LUC7L3: variants seen among roughly 807,000 people sequenced by gnomAD.
The protein encoded by LUC7L3 is luc7-like protein 3.
A neutral mutation model predicts 66.8 loss-of-function variants in LUC7L3; 6 were observed. The observed-to-expected ratio is 0.09, with a 90% CI of 0.05 to 0.18. The LOEUF is 0.18. Ranked by LOEUF, LUC7L3 falls within the 10% of genes least tolerant of loss-of-function variation. The probability of loss-of-function intolerance (pLI) is 1.00; values close to 1 mark genes in which losing one functional copy is unlikely to be tolerated. For synonymous variants in LUC7L3, 160 were observed against 174.7 expected (o/e 0.92, Z 0.66); for missense variants, 341 against 531.1 (o/e 0.64, Z 3.52).
Position 50,752,424 on chromosome 17 carries a change from G to A in LUC7L3, c.*1763G>A, listed in dbSNP as rs552062226. ...ATATGCCACTGAAAACTTAGGTCCT[G>A]TATCATACTTTTTTCTTTAAGACTT... On this transcript the variant is annotated 3_prime_UTR_variant, in exon 10 of 10. Transcript: ENST00000505658. 3.4e-5 allele frequency: 7 copies of A among 203,278 alleles called. No homozygotes were observed. The South Asian group carries it at 5.7e-4, about 17-fold the overall frequency. The allele number at this position is 203,278 out of a possible 1,614,324, so 12.6% of individuals were successfully genotyped here. A position where few individuals can be genotyped will look rare whatever the true frequency, so the allele number is the denominator to read the frequency against.
chr17:50,724,708 A>G (rs2146690362), intron 1 of LUC7L3, among the ~76,000 whole-genome samples: 1 of 148,426 alleles, frequency 6.7e-6, no homozygotes, highest in African/African-American at 2.5e-5. Flanking sequence ...AAGTTTGTAA[A>G]TTTGACTTTT....
intron 9 of LUC7L3, chr17:50,749,285 T>G: frequency 1.6e-6 from 2 of 1,289,398 alleles, no homozygotes; most frequent in Non-Finnish European, 2.0e-6. Flanking sequence ...CTCTTCCTCA[T>G]TGAAGCTACC....
In LUC7L3 at chr17:50,744,553, A is replaced by G. The variant is rs1970549010; in HGVS notation, c.532-99A>G. On this transcript the variant is annotated intron_variant, in intron 6 of 9. Coordinates refer to ENST00000505658, the MANE Select transcript of LUC7L3 (RefSeq NM_016424.5). ...TGATTTGGGGAAATGGAAAAGAGCA[A>G]TTCACACACATTAGAAATCTTTTCT... The G allele has an allele frequency of 1.3e-5, 15 of 1,118,464 alleles. No homozygotes were observed. In the South Asian group the frequency reaches 2.3e-4, roughly 17 times the overall value. The allele number at this position is 1,118,464 out of a possible 1,614,324, so 69.3% of individuals were successfully genotyped here.
chr17:50,735,636 G>T (rs1335071904), intron 1 of LUC7L3, among the ~76,000 whole-genome samples: 1 of 152,026 alleles, frequency 6.6e-6, no homozygotes, highest in African/African-American at 2.4e-5. Flanking sequence ...CTCCTGGGTA[G>T]CTGGGACTGT....
intron 1 of LUC7L3, among the ~76,000 whole-genome samples, chr17:50,726,447 G>C (rs1969190808): frequency 6.6e-6 from 1 of 152,246 alleles, no homozygotes; most frequent in South Asian, 2.1e-4. Flanking sequence ...GCTGGGATTA[G>C]AGGTGTAAGC....
At chr17:50,734,121 T>C (rs1597910162) in intron 1 of LUC7L3, among the ~76,000 whole-genome samples, 1 of 152,198 alleles carries the variant, frequency 6.6e-6, no homozygotes, top group Admixed American at 6.5e-5. Context: ...TAAAATAAAC[T>C]ATTTGTGACA....
chr17:50,747,582 T>C (rs1351035650), intron 9 of LUC7L3, among the ~76,000 whole-genome samples: 1 of 152,172 alleles, frequency 6.6e-6, no homozygotes, highest in Non-Finnish European at 1.5e-5. Context: ...CAGCATAATA[T>C]ATGTGCTACT....
intron 4 of LUC7L3, among the ~76,000 whole-genome samples, 168 bp from the exon 5 acceptor site, chr17:50,741,489 T>G (rs993767422): frequency 2.6e-5 from 4 of 152,266 alleles, no homozygotes; most frequent in Non-Finnish European, 5.9e-5. Flanking sequence ...TAAATAGTAG[T>G]AACTGACAAT....
chr17:50,744,196 A>G (rs550796083), intron 6 of LUC7L3, among the ~76,000 whole-genome samples: 3 of 152,264 alleles, frequency 2.0e-5, no homozygotes, highest in African/African-American at 7.2e-5. Context: ...TTAATTGGAG[A>G]ATAGAATATA....
rs771697120 is a variant in LUC7L3, at chr17:50,743,774, A to G, written c.495A>G (p.Leu165=). 5 of 1,613,946 alleles carry G rather than the reference A, an allele frequency of 3.1e-6. No homozygotes were observed. Among genetic ancestry groups the G allele is most frequent in the Non-Finnish European group, 3.4e-6 (4 of 1,179,814 alleles). ...GGATGATGAAATTAGTTGAGCAATT[A>G]AAAGAAGAGAGAGAACTGCTAAGGT... ...AQGMMKLVEQ[L]KEERELLRST... Residue 165 remains leucine (L), a synonymous_variant, in exon 6 of 10, where the codon TTA becomes TTG. Transcript: ENST00000505658.
chr17:50,730,298 C>G (rs1257421620), intron 1 of LUC7L3, among the ~76,000 whole-genome samples: 1 of 151,726 alleles, frequency 6.6e-6, no homozygotes, highest in Non-Finnish European at 1.5e-5. Context: ...AGCAGTTTAA[C>G]GAAAATAGTG....
At chr17:50,723,605 T>G (rs552380579) in intron 1 of LUC7L3, 60 of 160,708 alleles carry the variant, frequency 3.7e-4, no homozygotes, top group Non-Finnish European at 6.1e-4. Context: ...TAACTTACTA[T>G]GTTACTATGG....
intron 2 of LUC7L3, among the ~76,000 whole-genome samples, chr17:50,740,098 T>C (rs577059382): frequency 2.0e-5 from 3 of 152,314 alleles, no homozygotes; most frequent in African/African-American, 7.2e-5. Context: ...GTCCATTATA[T>C]TGACTTTGAA....
At chr17:50,731,208 A>G (rs1043669901) in intron 1 of LUC7L3, among the ~76,000 whole-genome samples, 13 of 152,174 alleles carry the variant, frequency 8.5e-5, no homozygotes, top group African/African-American at 3.1e-4. Context: ...TCTCTCTGTC[A>G]TCCAGGCTGG....
chr17:50,727,171 A>ATT (rs1387176472), intron 1 of LUC7L3, among the ~76,000 whole-genome samples: 19 of 152,246 alleles, frequency 1.2e-4, no homozygotes, highest in Non-Finnish European at 1.9e-4. Context: ...TAAGGCTTCC[A>ATT]GTCAGTGGTA....
chr17:50,737,749 T>A (rs1970068226), intron 2 of LUC7L3, among the ~76,000 whole-genome samples: 1 of 152,106 alleles, frequency 6.6e-6, no homozygotes, highest in South Asian at 2.1e-4. Context: ...GGTGGTCCTG[T>A]GCATCTGTTG....
At chr17:50,729,899 TATATATATA>T (rs1969455504) in intron 1 of LUC7L3, among the ~76,000 whole-genome samples, 169 of 14,252 alleles carry the variant, frequency 0.012, 5 homozygotes, top group African/African-American at 0.017. Context: ...AAATACATTA[TATATATATA>T]TATATATATA....
intron 3 of LUC7L3, among the ~76,000 whole-genome samples, chr17:50,740,791 C>G (rs1471537856): frequency 1.3e-5 from 2 of 152,146 alleles, no homozygotes; most frequent in Non-Finnish European, 2.9e-5. Context: ...AACTGCTGAC[C>G]TCAAGTGATC....
At position 50,719,651 on chromosome 17, in the gene LUC7L3, C is replaced by G. The variant is rs549651658; in HGVS notation, c.-82C>G. ...GAGGGATTTCGGCCTGAGAGCGGGC[C>G]GAGGAGATTGGCGACGGTGTCGCCC... On this transcript the variant is annotated 5_prime_UTR_variant, in exon 1 of 10. Transcript: ENST00000505658. 1,243 of 1,193,940 alleles carry G rather than the reference C, an allele frequency of 1.0e-3. 5 individuals are homozygous for G. Among genetic ancestry groups the G allele is most frequent in the South Asian group, 5.0e-3 (383 of 76,522 alleles). The allele number at this position is 1,193,940 out of a possible 1,614,324, so 74.0% of individuals were successfully genotyped here.
Sources: allele counts gnomAD v4.1 joint callset (sites outside exome capture counted in the v4.1 genomes callset), GRCh38; gene constraint gnomAD v4.1.1; transcripts MANE v1.5; gene names NCBI Gene and HGNC (gene_info 2026-07-23, HGNC 2026-07-21).